Variants in PMPCB observed in about 807,000 individuals in gnomAD.
The protein encoded by PMPCB is mitochondrial-processing peptidase subunit beta.
PMPCB carries 46 observed loss-of-function variants against 61.5 expected under a neutral mutation model. The observed-to-expected ratio is 0.75, with a 90% CI of 0.59 to 0.96. PMPCB has a LOEUF of 0.96. PMPCB is among the 40% of genes least tolerant of loss of function. The pLI is 0.00. For synonymous variants in PMPCB, 191 were observed against 201.6 expected (o/e 0.95, Z 0.44); for missense variants, 590 against 602.4 (o/e 0.98, Z 0.22).
At chr7:103,332,641 GA>G (rs1272944279), downstream of PMPCB, among the ~76,000 whole-genome samples, 1 of 151,446 alleles carries the variant, frequency 6.6e-6, no homozygotes, top group African/African-American at 2.4e-5. Context: ...TTTTGCGGGG[GA>G]GGGGATGGGG....
chr7:103,345,043 G>A, the PMPCB span: 1 of 352,526 alleles, frequency 2.8e-6, no homozygotes, highest in Non-Finnish European at 5.1e-6. Context: ...CCTAATCAGT[G>A]ATTTTCCCAG....
At chr7:103,314,842 A>G (rs919001049), downstream of PMPCB, among the ~76,000 whole-genome samples, 1 of 152,226 alleles carries the variant, frequency 6.6e-6, no homozygotes, top group East Asian at 1.9e-4. Context: ...GCTTATGTAT[A>G]GTCAAGTCTA....
At chr7:103,342,476 T>G in the PMPCB span, among the ~76,000 whole-genome samples, 1 of 151,858 alleles carries the variant, frequency 6.6e-6, no homozygotes, top group Non-Finnish European at 1.5e-5. Flanking sequence ...CAGCTAATTT[T>G]GTATTTTTAG....
chr7:103,298,565 C>T lies in PMPCB; in HGVS notation c.100-3C>T, dbSNP rs1255826899. Reference sequence around the variant, plus strand: ...GTCTCTTCCACTTCCTACCCCCAACCAGTCATTATATTTTGGAGAGAACAG... The same window carrying T: ...GTCTCTTCCACTTCCTACCCCCAACTAGTCATTATATTTTGGAGAGAACAG... On this transcript the variant is annotated splice_region_variant and splice_polypyrimidine_tract_variant and intron_variant, in intron 1 of 12. Transcript: ENST00000249269. 6.2e-7 allele frequency: 1 copy of T among 1,613,286 alleles called. No homozygotes were observed. The highest frequency in any genetic ancestry group is 1.3e-5 in the African/African-American group (1 of 74,892).
Position 103,314,206 on chromosome 7 carries a change from T to TAAA in PMPCB, c.*1935_*1936insAAA. On this transcript the variant is annotated 3_prime_UTR_variant, in exon 13 of 13. Coordinates refer to ENST00000249269, the MANE Select transcript of PMPCB (RefSeq NM_004279.3). Reference sequence around the variant, plus strand: ...AGCCCTAAATACCATAGATTTTATTTCCTCTCTTGGAAAAAAGATGGAAGT... The same window carrying TAAA: ...AGCCCTAAATACCATAGATTTTATTTAAACCTCTCTTGGAAAAAAGATGGAAGT... 5.1e-6 allele frequency: 5 copies of TAAA among 985,426 alleles called. No homozygotes were observed. Among genetic ancestry groups the TAAA allele is most frequent in the Non-Finnish European group, 6.0e-6 (5 of 829,912 alleles). 61.0% of individuals were successfully genotyped at this position (985,426 alleles called of 1,614,324 possible).
At chr7:103,304,212 T>C (rs553478574) in intron 5 of PMPCB, among the ~76,000 whole-genome samples, 172 bp downstream of exon 5, 48 of 152,382 alleles carry the variant, frequency 3.1e-4, no homozygotes, top group African/African-American at 1.2e-3. Context: ...CGTGAGTTCA[T>C]AGGTACTTCG....
intron 11 of PMPCB, 36 bp from the exon 12 acceptor site, chr7:103,312,020 A>G (rs556880798): frequency 1.4e-5 from 22 of 1,599,208 alleles, no homozygotes; most frequent in South Asian, 1.3e-4. Flanking sequence ...TGTTTTTACT[A>G]CAAACAGCTG....
intron 6 of PMPCB, among the ~76,000 whole-genome samples, chr7:103,306,597 G>T (rs1166594528): frequency 6.6e-6 from 1 of 152,030 alleles, no homozygotes; most frequent in Non-Finnish European, 1.5e-5. Context: ...GATCAGGCTG[G>T]TCTACCTCTA....
chr7:103,310,995 TAATCTTTC>T (rs1817730843), intron 9 of PMPCB: 1 of 152,332 alleles, frequency 6.6e-6, no homozygotes, highest in Admixed American at 6.5e-5. Flanking sequence ...CTGAAAGTTT[TAATCTTTC>T]AGAAGCAGGT....
the PMPCB span, chr7:103,344,423 G>A: frequency 1.1e-6 from 1 of 895,828 alleles, no homozygotes; most frequent in Non-Finnish European, 1.8e-6. Flanking sequence ...GAGCAAAAAG[G>A]CACTCGTCAC....
rs762470466 is a variant in PMPCB at position 103,312,189 on chromosome 7, C to T, written c.1406-18C>T. The T allele has an allele frequency of 1.2e-6, 2 of 1,613,818 alleles. No homozygotes were observed. The highest frequency in any genetic ancestry group is 1.7e-6 in the Non-Finnish European group (2 of 1,179,938). ...GTTGGCCAAGTACTTTTAATTAACT[C>T]TTCTTTTTAATCCTTAGGTCCCATT... On this transcript the variant is annotated intron_variant, in intron 12 of 12. Coordinates refer to ENST00000249269, the MANE Select transcript of PMPCB (RefSeq NM_004279.3).
intron 12 of PMPCB, among the ~76,000 whole-genome samples, chr7:103,325,462 C>A (rs200311803): frequency 2.8e-4 from 38 of 136,886 alleles, no homozygotes; most frequent in Non-Finnish European, 3.4e-4. Flanking sequence ...AAAAAAAAAA[C>A]CAAAAAACAG....
downstream of PMPCB, chr7:103,316,214 C>G: frequency 2.0e-6 from 1 of 501,110 alleles, no homozygotes; most frequent in Non-Finnish European, 3.3e-6. Context: ...GATTGGTGGT[C>G]TAATTATGCT....
At chr7:103,328,922 T>G (rs930597652) in intron 12 of PMPCB, 2 of 942,498 alleles carry the variant, frequency 2.1e-6, no homozygotes, top group African/African-American at 3.5e-5. Flanking sequence ...TAGGATTCTT[T>G]CTTCTTAGGA....
At chr7:103,299,855 G>A (rs1323256231) in intron 3 of PMPCB, among the ~76,000 whole-genome samples, 3 of 151,964 alleles carry the variant, frequency 2.0e-5, no homozygotes, top group African/African-American at 7.3e-5. Flanking sequence ...TGCAACCTCC[G>A]CCTCCTAGGC....
At chr7:103,305,438 A>G (rs1038914309) in intron 6 of PMPCB, among the ~76,000 whole-genome samples, 3 of 152,148 alleles carry the variant, frequency 2.0e-5, no homozygotes, top group Non-Finnish European at 4.4e-5. Context: ...CATTTATAGA[A>G]ATAGAGATGG....
chr7:103,346,902 G>A, the PMPCB span, among the ~76,000 whole-genome samples: 2 of 152,046 alleles, frequency 1.3e-5, no homozygotes, highest in African/African-American at 4.8e-5. Flanking sequence ...ATATGTAGAT[G>A]GACACTTGGG....
At chr7:103,322,277 A>G (rs1172933464) in intron 12 of PMPCB, among the ~76,000 whole-genome samples, 1 of 152,206 alleles carries the variant, frequency 6.6e-6, no homozygotes, top group Non-Finnish European at 1.5e-5. Context: ...TAAAATTGAC[A>G]TATTAGAAAT....
rs1171933088 is a variant in PMPCB, at chr7:103,298,628, A to C, written c.160A>C (p.Asn54His). The C allele has an allele frequency of 6.2e-7, 1 of 1,613,976 alleles. No homozygotes were observed. Among genetic ancestry groups the C allele is most frequent in the South Asian group, 1.1e-5 (1 of 91,086 alleles). ...STQAATQVVLNVPETRVTCLE... is the reference protein window; with the variant it reads ...STQAATQVVLHVPETRVTCLE... ...ACAGGCTGCTACCCAAGTTGTTCTG[A>C]ATGTTCCTGAAACAAGAGTAACATG... is the stretch of plus-strand genomic sequence containing the variant. The change falls in exon 2 of 13, where the codon AAT (asparagine) becomes CAT (histidine). Residue 54 changes from asparagine to histidine, a missense_variant. Physicochemically the swap from Asn to His is moderately conservative, Grantham distance 68 (BLOSUM62 1). Coordinates refer to ENST00000249269, the MANE Select transcript of PMPCB (RefSeq NM_004279.3).
Sources: gnomAD v4.1 joint callset for allele counts (sites outside exome capture counted in the v4.1 genomes callset) on GRCh38, gnomAD v4.1.1 for gene constraint, MANE v1.5 for transcripts, NCBI Gene and HGNC (gene_info 2026-07-23, HGNC 2026-07-21) for gene names.